RHOG: variants seen among roughly 807,000 people sequenced by gnomAD.
RHOG encodes the protein rho-related GTP-binding protein RhoG.
In RHOG, 1 loss-of-function variant was observed where a neutral mutation model predicts 12.3. That is an observed-to-expected ratio of 0.08 (90% CI 0.03 to 0.39). The LOEUF (loss-of-function observed/expected upper bound fraction) is 0.39, where lower values mean the gene tolerates loss of function less well. Ranked by LOEUF, RHOG falls within the 10% of genes least tolerant of loss-of-function variation. The pLI is 0.99. For synonymous variants in RHOG, 129 were observed against 116.0 expected (o/e 1.11, Z -0.72); for missense variants, 114 against 266.2 (o/e 0.43, Z 3.98).
intron 1 of RHOG, 147 bp from the exon 2 acceptor site, chr11:3,828,353 C>T: frequency 1.7e-6 from 1 of 586,888 alleles, no homozygotes; most frequent in Non-Finnish European, 3.0e-6. Context: ...ATCAGAAAGA[C>T]ACACAATGAA....
Position 3,830,267 on chromosome 11 carries a change from A to G in RHOG, c.-68-2061T>C, listed in dbSNP as rs532156746. 3.3e-5 allele frequency among the ~76,000 whole-genome samples: 5 copies of G among 152,330 alleles called. No individual in the cohort carries two copies. In the South Asian group the frequency reaches 6.2e-4, roughly 19 times the overall value. ...CTAATCACAGCTCCACCAACTAGTT[A>G]TATGTGATCTTGGCAATATATTTGT... On this transcript the variant is annotated intron_variant, in intron 1 of 1. Coordinates refer to ENST00000351018, the MANE Select transcript of RHOG (RefSeq NM_001665.4).
intron 1 of RHOG, among the ~76,000 whole-genome samples, chr11:3,837,012 T>G (rs991887642): frequency 2.1e-4 from 29 of 136,050 alleles, no homozygotes; most frequent in Non-Finnish European, 4.2e-4. Context: ...AGAGGAAGGG[T>G]GCACACTGGC....
At position 3,827,275 on chromosome 11, in the gene RHOG, GA is replaced by G; in HGVS notation, c.*287del. Reference sequence around the variant, plus strand: ...AAGCTGGATGAACTGGTCAGTAGCGGAAAATGGGAGGGGGCACTGGGTTGGC... The same window carrying G: ...AAGCTGGATGAACTGGTCAGTAGCGGAAATGGGAGGGGGCACTGGGTTGGC... On this transcript the variant is annotated 3_prime_UTR_variant, in exon 2 of 2. Transcript: ENST00000351018. This position sits in a 1 kb window ranked among gnomAD's most constrained non-coding sequence, Gnocchi z 7.3. 2.1e-6 allele frequency: 1 copy of G among 470,414 alleles called. No homozygotes were observed. The highest frequency in any genetic ancestry group is 3.8e-6 in the Non-Finnish European group (1 of 260,046). 29.1% of individuals were successfully genotyped at this position (470,414 alleles called of 1,614,324 possible).
intron 1 of RHOG, among the ~76,000 whole-genome samples, chr11:3,833,674 C>T (rs1172271746): frequency 6.6e-6 from 1 of 152,168 alleles, no homozygotes; most frequent in Non-Finnish European, 1.5e-5. Context: ...CAGTACCTAC[C>T]ACATAGCACT....
rs112483411 is a variant in RHOG at position 3,839,602 on chromosome 11, A to AACACACACACAC, written c.-69+1280_-69+1291dup. ...ACACGCGCGTGCGAACACACACGCA[A>AACACACACACAC]ACACACACACACACACACACACACA... On this transcript the variant is annotated intron_variant, in intron 1 of 1. Transcript: ENST00000351018. Among the ~76,000 whole-genome samples, 1,322 of 141,684 alleles carry AACACACACACAC rather than the reference A, an allele frequency of 9.3e-3. 14 individuals are homozygous for AACACACACACAC. The highest frequency in any genetic ancestry group is 0.018 in the Middle Eastern group (5 of 282). The allele number at this position is 141,684 out of a possible 152,430, so 93.0% of individuals were successfully genotyped here.
intron 1 of RHOG, among the ~76,000 whole-genome samples, chr11:3,834,468 T>G (rs933294183): frequency 7.2e-5 from 11 of 152,222 alleles, no homozygotes; most frequent in Admixed American, 7.2e-4. Flanking sequence ...TATCGGACAC[T>G]CCCTGCCCAC....
intron 1 of RHOG, among the ~76,000 whole-genome samples, chr11:3,835,623 C>A (rs1458472141): frequency 6.6e-6 from 1 of 152,154 alleles, no homozygotes; most frequent in Admixed American, 6.5e-5. Flanking sequence ...CCCTGAAGAG[C>A]CCAAAGTTGG....
intron 1 of RHOG, among the ~76,000 whole-genome samples, chr11:3,838,905 G>A (rs1011331525): frequency 6.6e-6 from 1 of 152,146 alleles, no homozygotes; most frequent in Non-Finnish European, 1.5e-5. Flanking sequence ...GGTCCTAGGT[G>A]AGATGGGGAG....
At chr11:3,840,862 A>T (rs937311157) in intron 1 of RHOG, 32 bp downstream of exon 1, 1 of 149,098 alleles carries the variant, frequency 6.7e-6, no homozygotes, top group Non-Finnish European at 1.5e-5. Flanking sequence ...CCTCCCCCGG[A>T]CCCCTACCCG....
intron 1 of RHOG, among the ~76,000 whole-genome samples, chr11:3,832,094 A>T (rs1293296424): frequency 6.6e-6 from 1 of 152,136 alleles, no homozygotes; most frequent in Non-Finnish European, 1.5e-5. Flanking sequence ...AGTGTGGTAT[A>T]GGGCCAAGAG....
intron 1 of RHOG, among the ~76,000 whole-genome samples, chr11:3,831,757 C>A (rs1025175613): frequency 2.6e-5 from 4 of 152,166 alleles, no homozygotes; most frequent in Non-Finnish European, 5.9e-5. Context: ...ACGTGGGAAG[C>A]CTTGACATTC....
intron 1 of RHOG, among the ~76,000 whole-genome samples, chr11:3,836,302 A>C (rs919366415): frequency 6.7e-6 from 1 of 149,708 alleles, no homozygotes; most frequent in African/African-American, 2.5e-5. Flanking sequence ...GGTTGCAGTG[A>C]GCAGAGATCA....
At chr11:3,838,205 T>G (rs1337778600) in intron 1 of RHOG, among the ~76,000 whole-genome samples, 1 of 152,204 alleles carries the variant, frequency 6.6e-6, no homozygotes, top group Non-Finnish European at 1.5e-5. Context: ...AGCGGCAGCC[T>G]CCTAGGTTGT....
At chr11:3,839,078 C>T (rs1445735766) in intron 1 of RHOG, among the ~76,000 whole-genome samples, 1 of 152,154 alleles carries the variant, frequency 6.6e-6, no homozygotes, top group East Asian at 1.9e-4. Context: ...TTCTTAAGTC[C>T]GAAGTTAGAC....
chr11:3,837,967 C>T (rs895399594), intron 1 of RHOG: 2 of 152,408 alleles, frequency 1.3e-5, no homozygotes, highest in Non-Finnish European at 2.9e-5. Flanking sequence ...GCCCTCCCCC[C>T]ATATGAGATG....
In RHOG at chr11:3,827,287, G is replaced by A; in HGVS notation, c.*276C>T. 2 of 490,208 alleles carry A rather than the reference G, an allele frequency of 4.1e-6. No individual in the cohort carries two copies. Among genetic ancestry groups the A allele is most frequent in the Non-Finnish European group, 3.7e-6 (1 of 272,584 alleles). 30.4% of individuals were successfully genotyped at this position (490,208 alleles called of 1,614,324 possible). ...CTGGTCAGTAGCGGAAAATGGGAGGGGGCACTGGGTTGGCCTCTTGGGGAG... is the reference window on the plus strand; with the variant it reads ...CTGGTCAGTAGCGGAAAATGGGAGGAGGCACTGGGTTGGCCTCTTGGGGAG... On this transcript the variant is annotated 3_prime_UTR_variant, in exon 2 of 2. Coordinates refer to ENST00000351018, the MANE Select transcript of RHOG (RefSeq NM_001665.4). This position sits in a 1 kb window ranked among gnomAD's most constrained non-coding sequence, Gnocchi z 7.3.
chr11:3,830,284 T>G (rs2090119021), intron 1 of RHOG, among the ~76,000 whole-genome samples: 1 of 152,148 alleles, frequency 6.6e-6, no homozygotes, highest in Admixed American at 6.5e-5. Flanking sequence ...ATCTTGGCAA[T>G]ATATTTGTTC....
rs149587143 is a variant in RHOG, at chr11:3,827,245, G to A, written c.*318C>T. 106 of 372,506 alleles carry A rather than the reference G, an allele frequency of 2.8e-4. No homozygotes were observed. The Middle Eastern group carries it at 4.5e-3, about 16-fold the overall frequency. 23.1% of individuals were successfully genotyped at this position (372,506 alleles called of 1,614,324 possible). Reference sequence around the variant, plus strand: ...CACCACAATAGGCAGCAACAACTGTGTGGAAAGCTGGATGAACTGGTCAGT... The same window carrying A: ...CACCACAATAGGCAGCAACAACTGTATGGAAAGCTGGATGAACTGGTCAGT... On this transcript the variant is annotated 3_prime_UTR_variant, in exon 2 of 2. Transcript: ENST00000351018. This position sits in a 1 kb window ranked among gnomAD's most constrained non-coding sequence, Gnocchi z 7.3.
chr11:3,836,074 C>G (rs1380503867), intron 1 of RHOG, among the ~76,000 whole-genome samples: 1 of 151,056 alleles, frequency 6.6e-6, no homozygotes, highest in Non-Finnish European at 1.5e-5. Context: ...AAAAATCCCC[C>G]GGGTGCCGTG....
Sources: gnomAD v4.1 joint callset for allele counts (sites outside exome capture counted in the v4.1 genomes callset) on GRCh38, gnomAD v4.1.1 for gene constraint, Gnocchi (gnomAD v3.1) non-coding constraint, MANE v1.5 for transcripts, NCBI Gene and HGNC (gene_info 2026-07-23, HGNC 2026-07-21) for gene names.